CLUAP1: variants seen among roughly 807,000 people sequenced by gnomAD.
CLUAP1 encodes clusterin-associated protein 1.
Under a neutral mutation model 55.0 loss-of-function variants are expected in CLUAP1, and 50 were observed. The ratio of observed to expected loss-of-function variants is 0.91; its 90% confidence interval spans 0.72 to 1.15. CLUAP1 has a LOEUF of 1.15. Among genes scored for constraint, CLUAP1 ranks in the 50% most tolerant of loss-of-function variants. The pLI is 0.00. For missense variants in CLUAP1, 530 were observed against 507.6 expected (o/e 1.04, Z -0.42); for synonymous variants, 195 against 175.4 (o/e 1.11, Z -0.88).
upstream of CLUAP1, among the ~76,000 whole-genome samples, chr16:3,499,200 C>T (rs1449199167): frequency 2.0e-5 from 3 of 152,260 alleles, no homozygotes; most frequent in African/African-American, 7.2e-5. Context: ...CAAAAATTAG[C>T]TGGGCGCGGT....
intron 9 of CLUAP1, among the ~76,000 whole-genome samples, chr16:3,528,791 T>G (rs2037998080): frequency 6.6e-6 from 1 of 152,220 alleles, no homozygotes. Context: ...GGGTCCAACT[T>G]CATTCTTTTG....
intron 7 of CLUAP1, 107 bp downstream of exon 7, chr16:3,520,143 C>A (rs114805143): frequency 2.6e-6 from 3 of 1,148,376 alleles, no homozygotes; most frequent in Admixed American, 2.4e-5. Flanking sequence ...GAAGCTGGGG[C>A]GGGGGGTTCT....
chr16:3,529,737 TTATATATTATATATTATATAA>T (rs2038061311), intron 9 of CLUAP1, among the ~76,000 whole-genome samples: 1 of 28,088 alleles, frequency 3.6e-5, no homozygotes, highest in Non-Finnish European at 5.8e-5. Context: ...ATATATATTA[TTATATATTATATATTATATAA>T]TATATATTAT....
chr16:3,496,182 C>T (rs1035435580), upstream of CLUAP1: 13 of 524,050 alleles, frequency 2.5e-5, no homozygotes, highest in Admixed American at 9.8e-5. Flanking sequence ...CCGGACCTGG[C>T]CAAGCAGGAA....
At chr16:3,522,558 T>TG (rs1015805713) in intron 7 of CLUAP1, among the ~76,000 whole-genome samples, 1 of 152,116 alleles carries the variant, frequency 6.6e-6, no homozygotes, top group Non-Finnish European at 1.5e-5. Flanking sequence ...CCTTTAGAGA[T>TG]GGGGTCTCAA....
intron 2 of CLUAP1, among the ~76,000 whole-genome samples, chr16:3,505,949 T>A (rs2037498323): frequency 6.6e-6 from 1 of 152,208 alleles, no homozygotes; most frequent in Non-Finnish European, 1.5e-5. Context: ...GACCCCTGGT[T>A]TCAATACCTT....
At chr16:3,509,998 T>G (rs574194877) in intron 4 of CLUAP1, 1 of 152,414 alleles carries the variant, frequency 6.6e-6, no homozygotes, top group East Asian at 1.9e-4. Flanking sequence ...AGCTAATTTT[T>G]TTTTTTTTTT....
At position 3,532,942 on chromosome 16, in the gene CLUAP1, A is replaced by G. The variant is rs534817642; in HGVS notation, c.1092+101A>G. 3.1e-5 allele frequency: 45 copies of G among 1,464,964 alleles called. No individual in the cohort carries two copies. The East Asian group carries it at 6.4e-4, about 21-fold the overall frequency. The allele number at this position is 1,464,964 out of a possible 1,614,324, so 90.7% of individuals were successfully genotyped here. ...GCTGTCAGCAGCCAGGGAGCCGTCT[A>G]TGGTCAGCCCGGCCGTGCCTCGATG... is the stretch of plus-strand genomic sequence containing the variant. On this transcript the variant is annotated intron_variant, in intron 11 of 11. Coordinates refer to ENST00000576634, the MANE Select transcript of CLUAP1 (RefSeq NM_015041.3).
At chr16:3,530,284 T>C (rs1403639766) in intron 9 of CLUAP1, among the ~76,000 whole-genome samples, 2 of 152,144 alleles carry the variant, frequency 1.3e-5, no homozygotes, top group Non-Finnish European at 2.9e-5. Context: ...ATTGAAATCA[T>C]ATAATAGCAA....
intron 11 of CLUAP1, 146 bp from the exon 12 acceptor site, chr16:3,535,976 A>G: frequency 1.2e-6 from 1 of 844,368 alleles, no homozygotes; most frequent in Non-Finnish European, 1.8e-6. Context: ...TCCCATCTGT[A>G]TGCCCTCCCA....
chr16:3,526,955 C>T (rs956874565), intron 9 of CLUAP1, among the ~76,000 whole-genome samples: 1 of 152,114 alleles, frequency 6.6e-6, no homozygotes, highest in African/African-American at 2.4e-5. Flanking sequence ...AGGGGCCGCT[C>T]GCTTTGTGAT....
At position 3,512,459 on chromosome 16, in the gene CLUAP1, G is replaced by T; in HGVS notation, c.476G>T (p.Gly159Val). 1 of 1,613,668 alleles carries T rather than the reference G, an allele frequency of 6.2e-7. No individual in the cohort carries two copies. The change falls in exon 5 of 12, where the codon GGC (glycine) becomes GTC (valine). Residue 159 changes from glycine to valine, a missense_variant. By Grantham distance (109) the Gly-to-Val change is moderately radical. Coordinates refer to ENST00000576634, the MANE Select transcript of CLUAP1 (RefSeq NM_015041.3). ...GGAGCATCTCTGTATGACTTGCTCG[G>T]CATGGAAGTAGAGTTGAGGGTAAGC... The part of the protein sequence containing the change: ...SKGASLYDLL[G>V]MEVELREMRT...
chr16:3,496,864 T>TTTTCC (rs1367303504), upstream of CLUAP1: 124 of 290,654 alleles, frequency 4.3e-4, no homozygotes, highest in Admixed American at 2.5e-3. Context: ...ATTTTTCTTT[T>TTTTCC]TTTCTTTTCT....
chr16:3,500,958 C>G, upstream of CLUAP1: 1 of 1,165,992 alleles, frequency 8.6e-7, no homozygotes, highest in South Asian at 1.3e-5. Flanking sequence ...TGTCCCTGAC[C>G]GTGCGCCGTC....
upstream of CLUAP1, chr16:3,496,171 T>C (rs982175076): frequency 4.0e-6 from 2 of 498,244 alleles, no homozygotes; most frequent in Non-Finnish European, 7.7e-6. Context: ...CATTCATCTT[T>C]CCGGACCTGG....
chr16:3,496,066 G>A (rs1339984723), upstream of CLUAP1: 2 of 327,166 alleles, frequency 6.1e-6, no homozygotes, highest in Non-Finnish European at 5.9e-6. Flanking sequence ...GCGTGAACCC[G>A]GGAGGCGAAG....
In CLUAP1 at chr16:3,538,620, A is replaced by G. The variant is rs2038282328; in HGVS notation, c.*2349A>G. The G allele has an allele frequency of 6.6e-6, 1 of 152,382 alleles. No homozygotes were observed. The highest frequency in any genetic ancestry group is 6.5e-5 in the Admixed American group (1 of 15,306). The allele number at this position is 152,382 out of a possible 1,614,324, so 9.4% of individuals were successfully genotyped here. ...TAACCTAGCTACAAAGAGCCTATCC[A>G]CAGACATAGGCAACAGCTCCAAAGG... On this transcript the variant is annotated 3_prime_UTR_variant, in exon 12 of 12. Coordinates refer to ENST00000576634, the MANE Select transcript of CLUAP1 (RefSeq NM_015041.3).
At chr16:3,533,337 G>T (rs189636266) in intron 11 of CLUAP1, 13 of 587,650 alleles carry the variant, frequency 2.2e-5, no homozygotes, top group Middle Eastern at 9.2e-4. Context: ...GCGCAGGCAC[G>T]GAGCCTGGAG....
chr16:3,532,454 GTT>G (rs2038143480), intron 10 of CLUAP1, among the ~76,000 whole-genome samples: 2 of 104,782 alleles, frequency 1.9e-5, no homozygotes, highest in Non-Finnish European at 3.4e-5. Flanking sequence ...TCATTCTGTC[GTT>G]CACGCTAGAG....
Sources: gnomAD v4.1 joint callset for allele counts (sites outside exome capture counted in the v4.1 genomes callset) on GRCh38, gnomAD v4.1.1 for gene constraint, MANE v1.5 for transcripts, NCBI Gene and HGNC (gene_info 2026-07-23, HGNC 2026-07-21) for gene names.